Variants in ITGA9 observed in about 807,000 individuals in gnomAD.
The protein encoded by ITGA9 is integrin alpha-9.
ITGA9 carries 56 observed loss-of-function variants against 127.8 expected under a neutral mutation model. That is an observed-to-expected ratio of 0.44 (90% CI 0.35 to 0.55). ITGA9 has a LOEUF of 0.55. Ranked by LOEUF, ITGA9 falls within the 20% of genes least tolerant of loss-of-function variation. The pLI, the probability that ITGA9 is intolerant of heterozygous loss-of-function variation, is 0.00. For synonymous variants in ITGA9, 508 were observed against 514.5 expected (o/e 0.99, Z 0.17); for missense variants, 1,196 against 1,347.1 (o/e 0.89, Z 1.76).
At chr3:37,562,882 G>A (rs1016028368) in intron 15 of ITGA9, among the ~76,000 whole-genome samples, 2 of 151,834 alleles carry the variant, frequency 1.3e-5, no homozygotes, top group African/African-American at 4.8e-5. Context: ...TACAACCAAG[G>A]TAGTCTGGCA....
chr3:37,665,172 A>C (rs1700574540), intron 17 of ITGA9, among the ~76,000 whole-genome samples: 1 of 151,182 alleles, frequency 6.6e-6, no homozygotes, highest in Admixed American at 6.6e-5. Context: ...ATGGGGTTTC[A>C]CCATGTTGTC....
chr3:37,803,884 C>T lies in ITGA9; in HGVS notation c.2951C>T (p.Ala984Val). ...GGCTACGTCGTGGGGTGGATCATCG[C>T]CATCAGTTTGTTGGTGGGAATCCTC... ...PRGYVVGWII[A>V]ISLLVGILIF... The change falls in exon 27 of 28, where the codon GCC becomes GTC. Residue 984 changes from alanine (A) to valine (V), a missense_variant. Ala to Val is a moderately conservative substitution (Grantham distance 64). Coordinates refer to ENST00000264741, the MANE Select transcript of ITGA9 (RefSeq NM_002207.3). The T allele has an allele frequency of 6.2e-7, 1 of 1,614,168 alleles. No homozygotes were observed. The highest frequency in any genetic ancestry group is 8.5e-7 in the Non-Finnish European group (1 of 1,180,026).
intron 14 of ITGA9, among the ~76,000 whole-genome samples, chr3:37,542,066 G>A (rs758538242): frequency 1.4e-4 from 22 of 152,176 alleles, no homozygotes; most frequent in Non-Finnish European, 2.8e-4. Context: ...CTGTAGGTTT[G>A]TCATGATGTT....
At chr3:37,619,573 A>G (rs1700107900) in intron 15 of ITGA9, among the ~76,000 whole-genome samples, 1 of 152,228 alleles carries the variant, frequency 6.6e-6, no homozygotes, top group African/African-American at 2.4e-5. Context: ...TCTGCCAGCT[A>G]GGGAATGGGG....
intron 1 of ITGA9, among the ~76,000 whole-genome samples, chr3:37,454,750 G>A (rs989494405): frequency 6.6e-6 from 1 of 151,978 alleles, no homozygotes; most frequent in Non-Finnish European, 1.5e-5. Context: ...CTTGATTTCT[G>A]TTCTCATGCT....
At chr3:37,635,913 A>C (rs1700273528) in intron 16 of ITGA9, among the ~76,000 whole-genome samples, 3 of 151,888 alleles carry the variant, frequency 2.0e-5, no homozygotes, top group African/African-American at 7.3e-5. Context: ...TAGTTTGCTG[A>C]GAATGATGGT....
Position 37,496,676 on chromosome 3 carries a change from T to C in ITGA9, c.612+2108T>C, listed in dbSNP as rs116273284. Among the ~76,000 whole-genome samples the C allele has an allele frequency of 2.1e-3, 314 of 152,316 alleles. 2 individuals carry two copies. Among genetic ancestry groups the C allele is most frequent in the African/African-American group, 7.0e-3 (293 of 41,562 alleles). On this transcript the variant is annotated intron_variant, in intron 5 of 27. Transcript: ENST00000264741. ...CTCAGGACTTTCTGGTGTCTTCTCA[T>C]CCTACTTAGAATGAAATGCAAATGC...
At chr3:37,664,601 G>A (rs1190629568) in intron 17 of ITGA9, among the ~76,000 whole-genome samples, 1 of 151,184 alleles carries the variant, frequency 6.6e-6, no homozygotes, top group African/African-American at 2.4e-5. Flanking sequence ...TCTATTTTTA[G>A]TAAAGACAGG....
At position 37,452,663 on chromosome 3, in the gene ITGA9, C is replaced by T. The variant is rs975777154; in HGVS notation, c.185+104C>T. ...TCCGGTCTCTTCCACGCCGCCGTCC[C>T]GAGGGGGCGATTTAAATGTCTCCGT... On this transcript the variant is annotated intron_variant, in intron 1 of 27. Coordinates refer to ENST00000264741, the MANE Select transcript of ITGA9 (RefSeq NM_002207.3). The surrounding 1 kb of genome is among the most constrained non-coding windows in gnomAD (Gnocchi z 7.3). The T allele has an allele frequency of 1.9e-6, 2 of 1,040,972 alleles. No individual in the cohort carries two copies. The highest frequency in any genetic ancestry group is 1.7e-5 in the African/African-American group (1 of 57,890). The allele number at this position is 1,040,972 out of a possible 1,614,324, so 64.5% of individuals were successfully genotyped here.
chr3:37,640,203 G>A (rs1042669209), intron 16 of ITGA9, among the ~76,000 whole-genome samples: 29 of 152,172 alleles, frequency 1.9e-4, no homozygotes, highest in African/African-American at 6.8e-4. Context: ...ACTTCCAAAT[G>A]GGGAGAGGAG....
chr3:37,678,501 T>G (rs1161733859), intron 17 of ITGA9, among the ~76,000 whole-genome samples: 1 of 152,234 alleles, frequency 6.6e-6, no homozygotes, highest in Non-Finnish European at 1.5e-5. Context: ...TCATCATTGT[T>G]AAATATAGTT....
intron 23 of ITGA9, among the ~76,000 whole-genome samples, chr3:37,754,616 G>A (rs1442358739): frequency 6.6e-6 from 1 of 152,182 alleles, no homozygotes; most frequent in African/African-American, 2.4e-5. Flanking sequence ...AAATTGTAGG[G>A]ATGAATGATA....
chr3:37,521,259 A>G (rs1699041600), intron 11 of ITGA9, among the ~76,000 whole-genome samples: 1 of 151,844 alleles, frequency 6.6e-6, no homozygotes, highest in East Asian at 2.0e-4. Context: ...CAGAGCAGGC[A>G]TTGTGTGGGT....
chr3:37,505,357 C>G (rs1435844748), intron 6 of ITGA9, among the ~76,000 whole-genome samples: 1 of 152,160 alleles, frequency 6.6e-6, no homozygotes, highest in Non-Finnish European at 1.5e-5. Flanking sequence ...TTAACCCCAG[C>G]CTGGAAACAA....
At chr3:37,513,237 A>G (rs1279941007) in intron 8 of ITGA9, among the ~76,000 whole-genome samples, 1 of 152,214 alleles carries the variant, frequency 6.6e-6, no homozygotes, top group Non-Finnish European at 1.5e-5. Context: ...ACAGCACCTC[A>G]TTCTGTGGGC....
intron 22 of ITGA9, chr3:37,748,067 T>C: frequency 2.5e-6 from 1 of 392,286 alleles, no homozygotes; most frequent in Non-Finnish European, 5.0e-6. Context: ...AAAAGAAATT[T>C]CGGCCTTTTG....
intron 17 of ITGA9, among the ~76,000 whole-genome samples, chr3:37,654,695 A>AT (rs1461043033): frequency 3.3e-5 from 5 of 152,044 alleles, no homozygotes; most frequent in South Asian, 2.1e-4. Flanking sequence ...ACACTAGGAC[A>AT]TTTTTTTTAT....
chr3:37,647,352 T>G lies in ITGA9; in HGVS notation c.1840-6362T>G, dbSNP rs1217017293. 3.9e-5 allele frequency among the ~76,000 whole-genome samples: 6 copies of G among 152,290 alleles called. No individual in the cohort carries two copies. The East Asian group carries it at 9.6e-4, about 24-fold the overall frequency. On this transcript the variant is annotated intron_variant, in intron 16 of 27. Transcript: ENST00000264741. ...GTTCATGAATTTGATTTCATTGTTTTTTAATGTATGTAAGGTATATAAAAT... is the reference window on the plus strand; with the variant it reads ...GTTCATGAATTTGATTTCATTGTTTGTTAATGTATGTAAGGTATATAAAAT...
chr3:37,564,666 A>G (rs569967064), intron 15 of ITGA9, among the ~76,000 whole-genome samples: 8 of 152,374 alleles, frequency 5.3e-5, no homozygotes, highest in African/African-American at 1.9e-4. Context: ...GTGACACATC[A>G]TCAAGATGGA....
Sources: allele counts gnomAD v4.1 joint callset (sites outside exome capture counted in the v4.1 genomes callset), GRCh38; gene constraint gnomAD v4.1.1; non-coding constraint Gnocchi (gnomAD v3.1); transcripts MANE v1.5; gene names NCBI Gene and HGNC (gene_info 2026-07-23, HGNC 2026-07-21).